PALLD: variants seen among roughly 807,000 people sequenced by gnomAD.
PALLD encodes the protein palladin, cytoskeletal associated protein.
Under a neutral mutation model 123.5 loss-of-function variants are expected in PALLD, and 61 were observed. That is an observed-to-expected ratio of 0.49 (90% confidence interval 0.40 to 0.61). The LOEUF (loss-of-function observed/expected upper bound fraction) is 0.61, where lower values mean the gene tolerates loss of function less well. Among genes scored for constraint, PALLD ranks in the 20% least tolerant of loss-of-function variants. The pLI, the probability that PALLD is intolerant of heterozygous loss-of-function variation, is 0.00. For synonymous variants in PALLD, 465 were observed against 496.4 expected, an observed-to-expected ratio of 0.94 and a Z score of 0.84; for missense variants, 1,273 against 1,377.0, an observed-to-expected ratio of 0.92 and a Z score of 1.20.
intron 1 of PALLD, chr4:168,504,919 A>G (rs553283532): frequency 2.4e-4 from 36 of 152,156 alleles, no homozygotes; most frequent in Non-Finnish European, 4.1e-4. Flanking sequence ...TTTTTAGTCT[A>G]TTTCATCTTC....
intron 2 of PALLD, among the ~76,000 whole-genome samples, chr4:168,622,031 A>G (rs1774812551): frequency 6.6e-6 from 1 of 152,182 alleles, no homozygotes; most frequent in Non-Finnish European, 1.5e-5. Flanking sequence ...CTAACAAGGA[A>G]AGTAAAAAAT....
chr4:168,794,538 A>ACACACC (rs765026221), intron 10 of PALLD, among the ~76,000 whole-genome samples: 154 of 146,404 alleles, frequency 1.1e-3, no homozygotes, highest in African/African-American at 3.3e-3. Context: ...ACACACACAC[A>ACACACC]CCCCTCTGGC....
At chr4:168,873,370 T>G (rs1553964140) in intron 10 of PALLD, among the ~76,000 whole-genome samples, 3 of 152,180 alleles carry the variant, frequency 2.0e-5, no homozygotes, top group Non-Finnish European at 4.4e-5. Context: ...AATCAAATAT[T>G]AAAGAAAGCA....
intron 10 of PALLD, among the ~76,000 whole-genome samples, chr4:168,862,860 A>G (rs1338192856): frequency 6.6e-6 from 1 of 152,204 alleles, no homozygotes; most frequent in Non-Finnish European, 1.5e-5. Context: ...CATATCCCTT[A>G]CATAAGGATT....
intron 8 of PALLD, among the ~76,000 whole-genome samples, chr4:168,702,196 G>A (rs184763407): frequency 6.6e-6 from 1 of 151,836 alleles, no homozygotes; most frequent in Admixed American, 6.6e-5. Context: ...TAGAAAAAAA[G>A]AACATCAGCT....
intron 2 of PALLD, among the ~76,000 whole-genome samples, chr4:168,564,081 A>G (rs1768122040): frequency 3.3e-5 from 5 of 152,130 alleles, no homozygotes; most frequent in Non-Finnish European, 7.4e-5. Context: ...CTTCATTAGG[A>G]TGAGAAGATG....
chr4:168,592,831 T>A (rs1156233063), intron 2 of PALLD, among the ~76,000 whole-genome samples: 1 of 152,158 alleles, frequency 6.6e-6, no homozygotes, highest in Non-Finnish European at 1.5e-5. Context: ...GCTATTATAC[T>A]GTGTGGGGCA....
intron 11 of PALLD, among the ~76,000 whole-genome samples, chr4:168,892,775 A>C (rs147326410): frequency 9.9e-4 from 151 of 151,968 alleles, no homozygotes; most frequent in African/African-American, 3.4e-3. Flanking sequence ...TTATGAACTA[A>C]GATTCTCTTG....
At chr4:168,531,646 A>G (rs1018550061) in intron 2 of PALLD, among the ~76,000 whole-genome samples, 9 of 152,220 alleles carry the variant, frequency 5.9e-5, no homozygotes, top group Non-Finnish European at 1.0e-4. Flanking sequence ...CTTAAGGAAT[A>G]CTCAGTGAAA....
At position 168,903,831 on chromosome 4, in the gene PALLD, G is replaced by T; in HGVS notation, c.2547G>T (p.Gly849=). ...ACACCATTCAAAGAGATCTCGATGG[G>T]ACCTGCTCCCTCCATACCACAGCCT... The part of the protein sequence containing the change: ...DHYTIQRDLD[G]TCSLHTTAST... Residue 849 remains glycine, a synonymous_variant, in exon 15 of 22, where the codon GGG becomes GGT. Transcript: ENST00000505667. 6 of 1,612,866 alleles carry T rather than the reference G, an allele frequency of 3.7e-6. No homozygotes were observed. Among genetic ancestry groups the T allele is most frequent in the Non-Finnish European group, 5.1e-6 (6 of 1,178,928 alleles).
intron 8 of PALLD, among the ~76,000 whole-genome samples, chr4:168,696,629 A>C (rs1249179906): frequency 6.6e-6 from 1 of 152,062 alleles, no homozygotes; most frequent in Non-Finnish European, 1.5e-5. Flanking sequence ...AACAAACAAA[A>C]TCTCTCTTAA....
At chr4:168,691,977 A>G (rs183971894) in intron 8 of PALLD, among the ~76,000 whole-genome samples, 132 of 152,278 alleles carry the variant, frequency 8.7e-4, no homozygotes, top group African/African-American at 3.1e-3. Context: ...TAGGTACTTC[A>G]TCGTATGTCC....
chr4:168,772,895 G>C (rs1286355979), intron 10 of PALLD, among the ~76,000 whole-genome samples: 1 of 152,192 alleles, frequency 6.6e-6, no homozygotes, highest in Non-Finnish European at 1.5e-5. Flanking sequence ...GAGGGAAAGA[G>C]GGAAGGATGG....
chr4:168,706,653 G>C (rs1561424970), intron 8 of PALLD, among the ~76,000 whole-genome samples: 1 of 152,168 alleles, frequency 6.6e-6, no homozygotes, highest in Non-Finnish European at 1.5e-5. Context: ...AAAAGGAAAG[G>C]CTTTGGTGGG....
intron 2 of PALLD, among the ~76,000 whole-genome samples, chr4:168,560,127 A>G (rs779196745): frequency 1.3e-5 from 2 of 152,218 alleles, no homozygotes; most frequent in African/African-American, 2.4e-5. Context: ...CAGCAACTTC[A>G]TGACAGACAT....
At chr4:168,906,699 A>G (rs1757876264) in intron 15 of PALLD, among the ~76,000 whole-genome samples, 1 of 152,214 alleles carries the variant, frequency 6.6e-6, no homozygotes, top group African/African-American at 2.4e-5. Flanking sequence ...ATCATGGCTC[A>G]CTGCAGCTTA....
intron 2 of PALLD, among the ~76,000 whole-genome samples, chr4:168,536,832 T>TC (rs1051983111): frequency 1.4e-4 from 6 of 43,026 alleles, no homozygotes; most frequent in Non-Finnish European, 2.6e-4. Context: ...AGGTTCTCTC[T>TC]TTTTTTTTTT....
At chr4:168,917,088 GC>G (rs1198853450) in intron 17 of PALLD, among the ~76,000 whole-genome samples, 1 of 116,384 alleles carries the variant, frequency 8.6e-6, no homozygotes, top group Non-Finnish European at 1.7e-5. Flanking sequence ...TCCCTCTGTT[GC>G]CCAGGCTGGA....
chr4:168,648,839 G>A (rs1777750878), intron 2 of PALLD: 1 of 152,134 alleles, frequency 6.6e-6, no homozygotes, highest in Non-Finnish European at 1.5e-5. Flanking sequence ...TATCATTTAA[G>A]TGCTTATTAT....
Sources: gnomAD v4.1 joint callset for allele counts (sites outside exome capture counted in the v4.1 genomes callset) on GRCh38, gnomAD v4.1.1 for gene constraint, MANE v1.5 for transcripts, NCBI Gene and HGNC (gene_info 2026-07-23, HGNC 2026-07-21) for gene names.